Variants in FAM117A observed in about 807,000 individuals in gnomAD.
FAM117A encodes family with sequence similarity 117 member A, also known as protein FAM117A.
In FAM117A, 21 loss-of-function variants were observed where a neutral mutation model predicts 44.1. That is an observed-to-expected ratio of 0.48 (90% CI 0.34 to 0.69). The LOEUF is 0.69. Ranked by LOEUF, FAM117A falls within the 30% of genes least tolerant of loss-of-function variation. The pLI is 0.01. For missense variants in FAM117A, 498 were observed against 589.9 expected (o/e 0.84, Z 1.61); for synonymous variants, 220 against 238.3 (o/e 0.92, Z 0.71).
intron 1 of FAM117A, among the ~76,000 whole-genome samples, chr17:49,776,912 G>A (rs1233327667): frequency 1.3e-5 from 2 of 152,232 alleles, no homozygotes; most frequent in Admixed American, 6.5e-5. Context: ...GACCAGAAGC[G>A]TGTGTGGATT....
In FAM117A at chr17:49,783,349, G is replaced by C. The variant is rs185380605; in HGVS notation, c.-621+5148C>G. On this transcript the variant is annotated intron_variant, in intron 1 of 7. Transcript: ENST00000513602. ...AAGGGAGGTAGATAAGTGGAGGAAG[G>C]GGGGGAGATGAAGGGCAGAGGTGGG... Among the ~76,000 whole-genome samples, 489 of 152,328 alleles carry C rather than the reference G, an allele frequency of 3.2e-3. 3 individuals carry two copies. The highest frequency in any genetic ancestry group is 0.01 in the African/African-American group (423 of 41,560).
At chr17:49,771,439 A>C (rs1030880437) in intron 1 of FAM117A, among the ~76,000 whole-genome samples, 1 of 152,158 alleles carries the variant, frequency 6.6e-6, no homozygotes, top group African/African-American at 2.4e-5. Flanking sequence ...GACAGACAGA[A>C]GATGCCGCTC....
chr17:49,780,904 C>T (rs1301119348), intron 1 of FAM117A, among the ~76,000 whole-genome samples: 3 of 152,086 alleles, frequency 2.0e-5, no homozygotes, highest in East Asian at 1.9e-4. Flanking sequence ...AATCTCGGCT[C>T]GCTGCAACCT....
At chr17:49,735,746 T>A (rs1812135962) in intron 1 of FAM117A, among the ~76,000 whole-genome samples, 1 of 152,180 alleles carries the variant, frequency 6.6e-6, no homozygotes, top group African/African-American at 2.4e-5. Context: ...ATTACAGGCA[T>A]GAGCCACCAC....
At chr17:49,731,459 G>A (rs748796320) in intron 2 of FAM117A, among the ~76,000 whole-genome samples, 11 of 152,228 alleles carry the variant, frequency 7.2e-5, no homozygotes, top group Admixed American at 1.3e-4. Context: ...TATGAGATAC[G>A]TTCGTGCTAG....
intron 2 of FAM117A, among the ~76,000 whole-genome samples, chr17:49,726,384 G>A (rs562099306): frequency 1.4e-4 from 21 of 152,168 alleles, no homozygotes; most frequent in Middle Eastern, 3.4e-3. Context: ...GGCTAATTTT[G>A]TATTTGTAGT....
intron 2 of FAM117A, among the ~76,000 whole-genome samples, chr17:49,727,980 G>A (rs933828358): frequency 1.3e-5 from 2 of 152,212 alleles, no homozygotes; most frequent in African/African-American, 4.8e-5. Context: ...TTAGGTCTCC[G>A]GCCAAACAAA....
intron 1 of FAM117A, among the ~76,000 whole-genome samples, chr17:49,736,260 CTT>C (rs372494710): frequency 1.0e-4 from 15 of 143,968 alleles, no homozygotes; most frequent in Non-Finnish European, 1.7e-4. Flanking sequence ...GGCTCTCTTT[CTT>C]TTTTTTTTTT....
intron 1 of FAM117A, among the ~76,000 whole-genome samples, chr17:49,738,002 G>A (rs1357923300): frequency 2.0e-5 from 3 of 152,192 alleles, no homozygotes; most frequent in African/African-American, 7.2e-5. Context: ...GCACCTAATG[G>A]AGGAGATGGC....
At chr17:49,718,131 A>C (rs1187563305) in intron 5 of FAM117A, 2 of 155,898 alleles carry the variant, frequency 1.3e-5, no homozygotes, top group Non-Finnish European at 2.8e-5. Flanking sequence ...CCATTGCAGA[A>C]CAAGTATGCT....
chr17:49,752,188 C>T (rs1022637210), intron 1 of FAM117A, among the ~76,000 whole-genome samples: 1 of 152,080 alleles, frequency 6.6e-6, no homozygotes, highest in Non-Finnish European at 1.5e-5. Flanking sequence ...GTCAATTATC[C>T]GTGATACATA....
chr17:49,758,973 A>G (rs746691577), intron 1 of FAM117A, among the ~76,000 whole-genome samples: 1 of 152,260 alleles, frequency 6.6e-6, no homozygotes, highest in Non-Finnish European at 1.5e-5. Context: ...AAATAAAGGC[A>G]TAGTGTTCTC....
In FAM117A at chr17:49,711,238, G is replaced by A. The variant is rs775627600; in HGVS notation, c.*17C>T. 6 of 1,575,992 alleles carry A rather than the reference G, an allele frequency of 3.8e-6. No homozygotes were observed. The highest frequency in any genetic ancestry group is 5.2e-6 in the Non-Finnish European group (6 of 1,159,596). ...AGGCACTGGTCTCTATGGTAAAGTGGGGCAGGGGTGGGACCCTCAGACCAT... is the reference window on the plus strand; with the variant it reads ...AGGCACTGGTCTCTATGGTAAAGTGAGGCAGGGGTGGGACCCTCAGACCAT... On this transcript the variant is annotated 3_prime_UTR_variant, in exon 8 of 8. Coordinates refer to ENST00000240364, the MANE Select transcript of FAM117A (RefSeq NM_030802.4).
At chr17:49,727,033 G>T (rs1160709106) in intron 2 of FAM117A, among the ~76,000 whole-genome samples, 1 of 151,990 alleles carries the variant, frequency 6.6e-6, no homozygotes, top group Non-Finnish European at 1.5e-5. Context: ...CACAACAGGG[G>T]TCACACCATG....
Position 49,711,118 on chromosome 17 carries a change from T to G in FAM117A, c.*137A>C. 1.2e-6 allele frequency: 1 copy of G among 838,618 alleles called. No individual in the cohort carries two copies. The highest frequency in any genetic ancestry group is 1.8e-6 in the Non-Finnish European group (1 of 559,956). The allele number at this position is 838,618 out of a possible 1,614,324, so 51.9% of individuals were successfully genotyped here. On this transcript the variant is annotated 3_prime_UTR_variant, in exon 8 of 8. Coordinates refer to ENST00000240364, the MANE Select transcript of FAM117A (RefSeq NM_030802.4). ...GCCCATCAAAAAGAGGACCCAGGGC[T>G]TTGACACAGTAAGTGAAAGAAAGTG...
chr17:49,781,286 G>A (rs1362602265), intron 1 of FAM117A, among the ~76,000 whole-genome samples: 1 of 152,150 alleles, frequency 6.6e-6, no homozygotes, highest in Non-Finnish European at 1.5e-5. Context: ...AAAGACTGAA[G>A]TATATCCTCA....
In FAM117A at chr17:49,753,003, A is replaced by G. The variant is rs2073683483; in HGVS notation, c.196+10889T>C. ...TTAGCCTTCCGAGTAGCTGGGACTAAAGGAAGGTGTCACCACACCCTGCTA... is the reference window on the plus strand; with the variant it reads ...TTAGCCTTCCGAGTAGCTGGGACTAGAGGAAGGTGTCACCACACCCTGCTA... On this transcript the variant is annotated intron_variant, in intron 1 of 7. Coordinates refer to ENST00000240364, the MANE Select transcript of FAM117A (RefSeq NM_030802.4). Among the ~76,000 whole-genome samples the G allele has an allele frequency of 2.0e-5, 3 of 152,014 alleles. No homozygotes were observed. The South Asian group carries it at 6.2e-4, about 32-fold the overall frequency.
rs2073474860 is a variant in FAM117A, at chr17:49,711,080, C to T, written c.*175G>A. On this transcript the variant is annotated 3_prime_UTR_variant, in exon 8 of 8. Coordinates refer to ENST00000240364, the MANE Select transcript of FAM117A (RefSeq NM_030802.4). ...TGGAGAAGGCAGGTCCCATCACGTT[C>T]AGAGGGGCCGGTGCCCATCAAAAAG... The T allele has an allele frequency of 1.6e-6, 1 of 606,446 alleles. No homozygotes were observed. Among genetic ancestry groups the T allele is most frequent in the Non-Finnish European group, 2.8e-6 (1 of 360,100 alleles). 37.6% of individuals were successfully genotyped at this position (606,446 alleles called of 1,614,324 possible).
chr17:49,767,194 G>A (rs2073748040), upstream of FAM117A, among the ~76,000 whole-genome samples: 2 of 152,176 alleles, frequency 1.3e-5, 1 homozygote, highest in African/African-American at 4.8e-5. Flanking sequence ...GGGAGGATAA[G>A]GACTACATCT....
Sources: allele counts gnomAD v4.1 joint callset (sites outside exome capture counted in the v4.1 genomes callset), GRCh38; gene constraint gnomAD v4.1.1; transcripts MANE v1.5; gene names NCBI Gene and HGNC (gene_info 2026-07-23, HGNC 2026-07-21).